PDK1: variants seen among roughly 807,000 people sequenced by gnomAD.
PDK1 encodes pyruvate dehydrogenase kinase 1.
In PDK1, 39 loss-of-function variants were observed where a neutral mutation model predicts 54.2. The ratio of observed to expected loss-of-function variants is 0.72; its 90% CI spans 0.56 to 0.94. The LOEUF (loss-of-function observed/expected upper bound fraction) is 0.94, where lower values mean the gene tolerates loss of function less well. Among genes scored for constraint, PDK1 ranks in the 40% least tolerant of loss-of-function variants. The pLI is 0.00. For missense variants in PDK1, 552 were observed against 566.0 expected (o/e 0.98, Z 0.25); for synonymous variants, 221 against 207.1 (o/e 1.07, Z -0.58).
At position 172,556,234 on chromosome 2, in the gene PDK1, C is replaced by T; in HGVS notation, c.84C>T (p.Phe28=). Residue 28 remains phenylalanine, a synonymous_variant, in exon 1 of 11, where the codon TTC becomes TTT. Coordinates refer to ENST00000282077, the MANE Select transcript of PDK1 (RefSeq NM_002610.5). ...GLRAAGFSRS[F]SSDSGSSPAS... is the part of the protein sequence containing the mutation. ...GCGCCGCCGGCTTCAGCCGCAGCTT[C>T]AGCTCGGACTCGGGCTCCAGCCCGG... is the stretch of plus-strand genomic sequence containing the variant. 6.9e-7 allele frequency: 1 copy of T among 1,451,870 alleles called. No homozygotes were observed. Among genetic ancestry groups the T allele is most frequent in the Non-Finnish European group, 9.0e-7 (1 of 1,109,280 alleles). 89.9% of individuals were successfully genotyped at this position (1,451,870 alleles called of 1,614,324 possible).
rs1691018583 is a variant in PDK1, at chr2:172,599,004, G to T, written c.*3035G>T. 6.6e-6 allele frequency: 1 copy of T among 152,028 alleles called. No individual in the cohort carries two copies. Among genetic ancestry groups the T allele is most frequent in the Non-Finnish European group, 1.5e-5 (1 of 67,986 alleles). 9.4% of individuals were successfully genotyped at this position (152,028 alleles called of 1,614,324 possible). The stretch of plus-strand genomic sequence containing the variant: ...TATATTCTAATGGAGAAAGCAAGAG[G>T]TAGAGTTTGTATGTTTGACTTACCT... On this transcript the variant is annotated 3_prime_UTR_variant, in exon 11 of 11. Coordinates refer to ENST00000282077, the MANE Select transcript of PDK1 (RefSeq NM_002610.5).
chr2:172,652,392 C>T, the PDK1 span, among the ~76,000 whole-genome samples: 1 of 152,234 alleles, frequency 6.6e-6, no homozygotes, highest in Admixed American at 6.5e-5. Flanking sequence ...GGAAGCATTC[C>T]CTTTGAAAAC....
chr2:172,708,702 A>C, the PDK1 span, among the ~76,000 whole-genome samples: 1 of 152,228 alleles, frequency 6.6e-6, no homozygotes, highest in Non-Finnish European at 1.5e-5. Context: ...ACATATATAT[A>C]ATATGAAAAA....
At chr2:172,627,616 C>T in the PDK1 span, among the ~76,000 whole-genome samples, 1 of 152,132 alleles carries the variant, frequency 6.6e-6, no homozygotes, top group African/African-American at 2.4e-5. Context: ...TCCTTAGAGG[C>T]CTGTGGGCCC....
chr2:172,620,060 G>C, the PDK1 span, among the ~76,000 whole-genome samples: 1 of 152,184 alleles, frequency 6.6e-6, no homozygotes, highest in African/African-American at 2.4e-5. Context: ...TAGCTACTCA[G>C]GAGGCTGAGG....
At chr2:172,584,983 CTTTT>C (rs1392474331) in intron 8 of PDK1, among the ~76,000 whole-genome samples, 1 of 151,694 alleles carries the variant, frequency 6.6e-6, no homozygotes, top group East Asian at 1.9e-4. Flanking sequence ...ATATGCTTTT[CTTTT>C]TTTGTTTGTT....
the PDK1 span, among the ~76,000 whole-genome samples, chr2:172,646,516 C>T: frequency 6.5e-4 from 94 of 144,286 alleles, no homozygotes; most frequent in African/African-American, 2.3e-3. Context: ...AAAAAAAAAG[C>T]GGTCAACTTG....
intron 2 of PDK1, among the ~76,000 whole-genome samples, chr2:172,560,296 G>T (rs1688586023): frequency 6.6e-6 from 1 of 152,242 alleles, no homozygotes; most frequent in Non-Finnish European, 1.5e-5. Flanking sequence ...CTCCCGAGCA[G>T]CTGGGACCAC....
At chr2:172,709,876 C>T in the PDK1 span, among the ~76,000 whole-genome samples, 2 of 152,080 alleles carry the variant, frequency 1.3e-5, no homozygotes, top group African/African-American at 4.8e-5. Context: ...CTTCTTATCG[C>T]TCAGTGATAA....
chr2:172,582,992 C>T (rs574176583), intron 8 of PDK1, among the ~76,000 whole-genome samples: 1 of 152,250 alleles, frequency 6.6e-6, no homozygotes, highest in African/African-American at 2.4e-5. Context: ...TTACAGTCTC[C>T]GTGGCCAAAA....
the PDK1 span, among the ~76,000 whole-genome samples, chr2:172,668,050 A>G: frequency 3.3e-5 from 5 of 152,346 alleles, no homozygotes; most frequent in East Asian, 9.6e-4. Flanking sequence ...TCAGGAGCCT[A>G]TTTAAAGGAT....
chr2:172,611,400 A>G (rs1276419422), downstream of PDK1, among the ~76,000 whole-genome samples: 1 of 152,244 alleles, frequency 6.6e-6, no homozygotes, highest in Non-Finnish European at 1.5e-5. Flanking sequence ...AAACTTCAAA[A>G]AAGGAATCTC....
the PDK1 span, among the ~76,000 whole-genome samples, chr2:172,667,063 C>A: frequency 6.6e-6 from 1 of 152,064 alleles, no homozygotes; most frequent in African/African-American, 2.4e-5. Flanking sequence ...TTCGTGTAAC[C>A]ATCATTCAAA....
At position 172,575,689 on chromosome 2, in the gene PDK1, G is replaced by A. The variant is rs1460772215; in HGVS notation, c.945+4865G>A. On this transcript the variant is annotated intron_variant, in intron 8 of 10. Coordinates refer to ENST00000282077, the MANE Select transcript of PDK1 (RefSeq NM_002610.5). ...ATACAAAAATTAGCCAGGCACGGTG[G>A]TGCGTGCCTGTAATCCCAGCTACTC... 4.6e-5 allele frequency among the ~76,000 whole-genome samples: 7 copies of A among 152,134 alleles called. No homozygotes were observed. In the South Asian group the frequency reaches 1.2e-3, roughly 27 times the overall value.
the PDK1 span, among the ~76,000 whole-genome samples, chr2:172,656,836 TC>T: frequency 1.5e-3 from 221 of 152,072 alleles, 1 homozygote; most frequent in African/African-American, 5.1e-3. Flanking sequence ...AAAAAGTAAT[TC>T]CCCCACCCAC....
the PDK1 span, among the ~76,000 whole-genome samples, chr2:172,706,137 C>T: frequency 6.6e-6 from 1 of 152,174 alleles, no homozygotes; most frequent in Non-Finnish European, 1.5e-5. Flanking sequence ...ATATCCACAC[C>T]CTTGTCCCTC....
chr2:172,581,778 C>T (rs1428848445), intron 8 of PDK1, among the ~76,000 whole-genome samples: 1 of 152,154 alleles, frequency 6.6e-6, no homozygotes, highest in Non-Finnish European at 1.5e-5. Flanking sequence ...ACATTTTTTA[C>T]CTTTTATCCT....
chr2:172,655,374 C>T, the PDK1 span, among the ~76,000 whole-genome samples: 1 of 152,340 alleles, frequency 6.6e-6, no homozygotes, highest in East Asian at 1.9e-4. Context: ...TTCATCATTC[C>T]AGGTCTTGCT....
rs1463152627 is a variant in PDK1, at chr2:172,596,831, C to T, written c.*862C>T. The T allele has an allele frequency of 6.6e-6, 1 of 152,188 alleles. No homozygotes were observed. Among genetic ancestry groups the T allele is most frequent in the Non-Finnish European group, 1.5e-5 (1 of 68,038 alleles). The allele number at this position is 152,188 out of a possible 1,614,324, so 9.4% of individuals were successfully genotyped here. On this transcript the variant is annotated 3_prime_UTR_variant, in exon 11 of 11. Transcript: ENST00000282077. ...GAATCGGAATCCCTAGGGCTAGAGCCTAGAAATCTCACTTTTTAAAATGCT... is the reference window on the plus strand; with the variant it reads ...GAATCGGAATCCCTAGGGCTAGAGCTTAGAAATCTCACTTTTTAAAATGCT...
Sources: allele counts gnomAD v4.1 joint callset (sites outside exome capture counted in the v4.1 genomes callset), GRCh38; gene constraint gnomAD v4.1.1; transcripts MANE v1.5; gene names NCBI Gene and HGNC (gene_info 2026-07-23, HGNC 2026-07-21).